The following PLCB4 variants were observed in gnomAD, a reference collection of about 807,000 sequenced individuals.
The protein encoded by PLCB4 is 1-phosphatidylinositol 4,5-bisphosphate phosphodiesterase beta-4.
A neutral mutation model predicts 178.8 loss-of-function variants in PLCB4; 77 were observed. The observed-to-expected ratio is 0.43, with a 90% CI of 0.36 to 0.52. The LOEUF (loss-of-function observed/expected upper bound fraction) is 0.52, where lower values mean the gene tolerates loss of function less well. PLCB4 is among the 20% of genes least tolerant of loss of function. The pLI, the probability that PLCB4 is intolerant of heterozygous loss-of-function variation, is 0.00. For synonymous variants in PLCB4, 496 were observed against 490.8 expected, an observed-to-expected ratio of 1.01 and a Z score of -0.14; for missense variants, 1,024 against 1,453.4, an observed-to-expected ratio of 0.70 and a Z score of 4.80.
chr20:9,329,139 G>A (rs1238196963), intron 4 of PLCB4, among the ~76,000 whole-genome samples: 1 of 152,186 alleles, frequency 6.6e-6, no homozygotes, highest in Non-Finnish European at 1.5e-5. Flanking sequence ...GGAAGATGGA[G>A]CCTCCGTGTT....
chr20:9,222,862 G>A (rs2093816803), intron 3 of PLCB4, among the ~76,000 whole-genome samples: 1 of 152,298 alleles, frequency 6.6e-6, no homozygotes, highest in African/African-American at 2.4e-5. Flanking sequence ...CAGTGCTTCT[G>A]AATCTCCCAG....
chr20:9,357,198 A>G (rs985260715), intron 7 of PLCB4, among the ~76,000 whole-genome samples: 4 of 152,218 alleles, frequency 2.6e-5, no homozygotes, highest in Admixed American at 6.5e-5. Context: ...AGAAGTTCCC[A>G]TGTTTTAAAT....
At chr20:9,402,621 A>T (rs1463115251) in intron 20 of PLCB4, among the ~76,000 whole-genome samples, 2 of 152,224 alleles carry the variant, frequency 1.3e-5, no homozygotes, top group African/African-American at 4.8e-5. Flanking sequence ...CAGTGAGGAC[A>T]GGCTGCTGCT....
Position 9,480,734 on chromosome 20 carries a change from G to C in PLCB4, c.*1725G>C, listed in dbSNP as rs2044814724. On this transcript the variant is annotated 3_prime_UTR_variant, in exon 40 of 40. Transcript: ENST00000378473. The stretch of plus-strand genomic sequence containing the variant: ...CCTTATCTGTAAAACAGTGGAGTTA[G>C]ACTACATATCTTTTGGCACTAACAT... 1 of 152,152 alleles carries C rather than the reference G, an allele frequency of 6.6e-6. No individual in the cohort carries two copies. The highest frequency in any genetic ancestry group is 2.4e-5 in the African/African-American group (1 of 41,422). 9.4% of individuals were successfully genotyped at this position (152,152 alleles called of 1,614,324 possible).
chr20:9,177,007 C>T (rs2093166980), intron 2 of PLCB4, among the ~76,000 whole-genome samples: 1 of 151,944 alleles, frequency 6.6e-6, no homozygotes, highest in South Asian at 2.1e-4. Context: ...ATATAAGGAG[C>T]AACAATGATG....
intron 9 of PLCB4, among the ~76,000 whole-genome samples, chr20:9,369,427 G>C (rs1352467078): frequency 1.3e-5 from 2 of 152,076 alleles, no homozygotes; most frequent in Non-Finnish European, 2.9e-5. Flanking sequence ...CAAAATTTTT[G>C]TCTTACCCCA....
At chr20:9,210,486 G>A (rs1053418018) in intron 2 of PLCB4, among the ~76,000 whole-genome samples, 2 of 152,136 alleles carry the variant, frequency 1.3e-5, no homozygotes, top group South Asian at 2.1e-4. Context: ...CATAGGTGAC[G>A]GAGTTGGCTG....
chr20:9,098,913 C>T (rs1048476573), intron 2 of PLCB4, among the ~76,000 whole-genome samples: 1 of 149,294 alleles, frequency 6.7e-6, no homozygotes, highest in Non-Finnish European at 1.5e-5. Flanking sequence ...AACTGTCTGG[C>T]GACGTATATA....
intron 3 of PLCB4, among the ~76,000 whole-genome samples, chr20:9,240,604 T>C (rs1030223340): frequency 3.3e-5 from 5 of 152,162 alleles, no homozygotes; most frequent in African/African-American, 1.2e-4. Context: ...CTGCGCCAGC[T>C]CCAAGCCATG....
intron 38 of PLCB4, among the ~76,000 whole-genome samples, chr20:9,474,419 A>T (rs892298311): frequency 6.6e-6 from 1 of 152,174 alleles, no homozygotes; most frequent in Non-Finnish European, 1.5e-5. Flanking sequence ...ACCCTCAGTT[A>T]TCATTTACAT....
At chr20:9,395,926 T>C (rs1423342339) in intron 19 of PLCB4, among the ~76,000 whole-genome samples, 1 of 152,154 alleles carries the variant, frequency 6.6e-6, no homozygotes, top group East Asian at 1.9e-4. Context: ...GAGCTATATG[T>C]AATCCTACCA....
At chr20:9,136,453 C>T (rs2092385346) in intron 2 of PLCB4, among the ~76,000 whole-genome samples, 1 of 152,032 alleles carries the variant, frequency 6.6e-6, no homozygotes, top group African/African-American at 2.4e-5. Context: ...GAAAGGCAGG[C>T]AAGGAGCTGG....
At chr20:9,230,318 C>T (rs932739464) in intron 3 of PLCB4, among the ~76,000 whole-genome samples, 3 of 152,058 alleles carry the variant, frequency 2.0e-5, no homozygotes, top group African/African-American at 7.2e-5. Flanking sequence ...AAGGCTTCAA[C>T]ATATGAAATT....
At chr20:9,103,738 G>C (rs1199023232) in intron 2 of PLCB4, among the ~76,000 whole-genome samples, 3 of 152,042 alleles carry the variant, frequency 2.0e-5, no homozygotes, top group Admixed American at 2.0e-4. Context: ...CTTTGTACTA[G>C]AAAATCCCTT....
chr20:9,339,950 A>G (rs2032983600), intron 7 of PLCB4, among the ~76,000 whole-genome samples: 1 of 152,202 alleles, frequency 6.6e-6, no homozygotes, highest in African/African-American at 2.4e-5. Flanking sequence ...TTACCTCTGT[A>G]CAGAGCTCCC....
At chr20:9,117,052 C>T (rs562415406) in intron 2 of PLCB4, among the ~76,000 whole-genome samples, 3 of 152,232 alleles carry the variant, frequency 2.0e-5, no homozygotes, top group African/African-American at 7.2e-5. Context: ...CCTTGCTTAA[C>T]ACTCCAATTT....
intron 28 of PLCB4, among the ~76,000 whole-genome samples, chr20:9,424,959 A>G (rs914981357): frequency 3.3e-5 from 5 of 152,268 alleles, no homozygotes; most frequent in Middle Eastern, 3.4e-3. Context: ...TACCAGTCTA[A>G]TATCAGAGTC....
intron 33 of PLCB4, among the ~76,000 whole-genome samples, chr20:9,456,720 A>G: frequency 6.6e-6 from 1 of 152,198 alleles, no homozygotes; most frequent in Non-Finnish European, 1.5e-5. Context: ...GAGACCTTGC[A>G]TTTTTAGAGT....
intron 3 of PLCB4, among the ~76,000 whole-genome samples, chr20:9,267,285 T>G (rs548631266): frequency 6.6e-6 from 1 of 152,318 alleles, no homozygotes; most frequent in African/African-American, 2.4e-5. Flanking sequence ...ACTTGTAACT[T>G]AAATCATCTT....
Sources: gnomAD v4.1 joint callset for allele counts (sites outside exome capture counted in the v4.1 genomes callset) on GRCh38, gnomAD v4.1.1 for gene constraint, MANE v1.5 for transcripts, NCBI Gene and HGNC (gene_info 2026-07-23, HGNC 2026-07-21) for gene names.